Variants in THSD7B observed in about 807,000 individuals in gnomAD.
The protein encoded by THSD7B is thrombospondin type 1 domain containing 7B.
In THSD7B, 138 loss-of-function variants were observed where a neutral mutation model predicts 213.6. The observed-to-expected ratio is 0.65, with a 90% CI of 0.56 to 0.74. The LOEUF (loss-of-function observed/expected upper bound fraction) is 0.74. Ranked by LOEUF, THSD7B falls within the 30% of genes least tolerant of loss-of-function variation. THSD7B has a pLI of 0.00. For synonymous variants in THSD7B, 742 were observed against 687.0 expected, an observed-to-expected ratio of 1.08 and a Z score of -1.25; for missense variants, 1,931 against 1,991.5, an observed-to-expected ratio of 0.97 and a Z score of 0.58.
intron 2 of THSD7B, among the ~76,000 whole-genome samples, chr2:136,909,266 G>A (rs1311416717): frequency 6.6e-6 from 1 of 152,130 alleles, no homozygotes; most frequent in Non-Finnish European, 1.5e-5. Context: ...GAAATGAGGT[G>A]TACAGTTCTA....
At chr2:136,832,761 G>A (rs1307239184) in intron 1 of THSD7B, among the ~76,000 whole-genome samples, 1 of 152,088 alleles carries the variant, frequency 6.6e-6, no homozygotes, top group Non-Finnish European at 1.5e-5. Context: ...TGGTCCAGAT[G>A]GTATCAATAT....
Position 137,620,743 on chromosome 2 carries a change from A to T in THSD7B, c.3799+17A>T. ...GCCATGGAGGTATTGGTTTCCCCAT[A>T]TTTCCCACTAACTAGTGTAGGTTTC... On this transcript the variant is annotated intron_variant, in intron 20 of 27. Coordinates refer to ENST00000409968, the MANE Select transcript of THSD7B (RefSeq NM_001316349.2). 6.3e-7 allele frequency: 1 copy of T among 1,588,038 alleles called. No homozygotes were observed. The highest frequency in any genetic ancestry group is 1.7e-4 in the Middle Eastern group (1 of 6,006).
chr2:137,623,582 A>G (rs1300028291), intron 20 of THSD7B, among the ~76,000 whole-genome samples: 8 of 152,336 alleles, frequency 5.3e-5, no homozygotes, highest in African/African-American at 1.9e-4. Context: ...AGAAAACCCC[A>G]TCATCTCAGC....
At chr2:136,874,066 T>C (rs1420549338) in intron 1 of THSD7B, among the ~76,000 whole-genome samples, 1 of 152,220 alleles carries the variant, frequency 6.6e-6, no homozygotes, top group Non-Finnish European at 1.5e-5. Flanking sequence ...ATAAATTGGC[T>C]TGTACAGATG....
chr2:137,072,012 C>T (rs1321642210), intron 3 of THSD7B, among the ~76,000 whole-genome samples: 1 of 152,120 alleles, frequency 6.6e-6, no homozygotes, highest in Non-Finnish European at 1.5e-5. Context: ...TTACTGTAGC[C>T]TTGTAGTATA....
chr2:136,935,413 G>A (rs546947035), intron 2 of THSD7B, among the ~76,000 whole-genome samples: 1 of 152,114 alleles, frequency 6.6e-6, no homozygotes. Context: ...AAAGTGTTTA[G>A]CGCTTGCCAA....
At chr2:137,263,561 A>C (rs192265048) in intron 10 of THSD7B, among the ~76,000 whole-genome samples, 7 of 152,140 alleles carry the variant, frequency 4.6e-5, no homozygotes, top group African/African-American at 7.2e-5. Context: ...AAGAATATAG[A>C]GTACATTTTT....
intron 15 of THSD7B, among the ~76,000 whole-genome samples, chr2:137,467,157 C>A (rs911832287): frequency 6.6e-6 from 1 of 152,088 alleles, no homozygotes; most frequent in African/African-American, 2.4e-5. Context: ...GGTTTCCAAC[C>A]TTTTATTTCT....
intron 10 of THSD7B, among the ~76,000 whole-genome samples, chr2:137,260,872 GT>G (rs1287274587): frequency 6.6e-6 from 1 of 152,088 alleles, no homozygotes; most frequent in Non-Finnish European, 1.5e-5. Context: ...AGAATAATGT[GT>G]TTTAAATGGC....
At position 137,372,919 on chromosome 2, in the gene THSD7B, T is replaced by G. The variant is rs184300955; in HGVS notation, c.2501-32694T>G. 3.6e-3 allele frequency among the ~76,000 whole-genome samples: 524 copies of G among 146,608 alleles called. 3 individuals carry two copies. The highest frequency in any genetic ancestry group is 0.012 in the African/African-American group (490 of 40,172). ...GTGTCCATGTGTTCTCATTGTTCAA[T>G]TCCCACCTATGAGTGTGAATATGTG... is the stretch of plus-strand genomic sequence containing the variant. On this transcript the variant is annotated intron_variant, in intron 12 of 27. Coordinates refer to ENST00000409968, the MANE Select transcript of THSD7B (RefSeq NM_001316349.2).
At chr2:136,927,745 T>C (rs1490292462) in intron 2 of THSD7B, among the ~76,000 whole-genome samples, 1 of 152,164 alleles carries the variant, frequency 6.6e-6, no homozygotes, top group Non-Finnish European at 1.5e-5. Context: ...TGACAGACAT[T>C]GATAGGGCAC....
intron 5 of THSD7B, among the ~76,000 whole-genome samples, chr2:137,151,360 CACAA>C: frequency 6.6e-6 from 1 of 151,634 alleles, no homozygotes; most frequent in South Asian, 2.1e-4. Flanking sequence ...AAAACTAAGA[CACAA>C]ACACACACAT....
At chr2:137,223,922 A>G (rs2105047281) in intron 7 of THSD7B, among the ~76,000 whole-genome samples, 1 of 152,230 alleles carries the variant, frequency 6.6e-6, no homozygotes, top group Admixed American at 6.5e-5. Context: ...CTCCTAACTC[A>G]GCCCTGTAAG....
At chr2:137,190,096 C>A (rs1680627419) in intron 7 of THSD7B, among the ~76,000 whole-genome samples, 1 of 152,134 alleles carries the variant, frequency 6.6e-6, no homozygotes, top group Non-Finnish European at 1.5e-5. Flanking sequence ...GAATAGCCCA[C>A]AATTAAGGCT....
At chr2:137,029,147 C>T (rs1176812281) in intron 2 of THSD7B, among the ~76,000 whole-genome samples, 8 of 137,582 alleles carry the variant, frequency 5.8e-5, no homozygotes, top group East Asian at 4.4e-4. Context: ...GGCATGATCT[C>T]GGCTCACTGC....
At chr2:137,092,979 A>G (rs556438528) in intron 3 of THSD7B, among the ~76,000 whole-genome samples, 3 of 152,312 alleles carry the variant, frequency 2.0e-5, no homozygotes, top group Non-Finnish European at 4.4e-5. Flanking sequence ...AACCATTACC[A>G]AAATCTCTCT....
chr2:137,119,566 G>A (rs1227946192), intron 5 of THSD7B, among the ~76,000 whole-genome samples: 1 of 152,188 alleles, frequency 6.6e-6, no homozygotes, highest in African/African-American at 2.4e-5. Context: ...AAAAGTTTGT[G>A]TTCAGTAGCA....
At chr2:136,918,616 C>T (rs1684383346) in intron 2 of THSD7B, among the ~76,000 whole-genome samples, 3 of 152,172 alleles carry the variant, frequency 2.0e-5, no homozygotes, top group Admixed American at 2.0e-4. Context: ...GTAACTCTCA[C>T]TCCTTGGAGG....
intron 2 of THSD7B, among the ~76,000 whole-genome samples, chr2:137,013,507 G>T (rs1351846748): frequency 6.6e-6 from 1 of 152,162 alleles, no homozygotes; most frequent in Non-Finnish European, 1.5e-5. Context: ...AGTTCCAGAG[G>T]TGGGCAGAGG....
Sources: gnomAD v4.1 joint callset for allele counts (sites outside exome capture counted in the v4.1 genomes callset) on GRCh38, gnomAD v4.1.1 for gene constraint, MANE v1.5 for transcripts, NCBI Gene and HGNC (gene_info 2026-07-23, HGNC 2026-07-21) for gene names.